Variants in LAMA2 observed in about 807,000 individuals in gnomAD.
The protein encoded by LAMA2 is laminin subunit alpha 2.
A neutral mutation model predicts 364.8 loss-of-function variants in LAMA2; 269 were observed. The observed-to-expected ratio is 0.74, with a 90% CI of 0.67 to 0.82. The LOEUF (loss-of-function observed/expected upper bound fraction) is 0.82, where lower values mean the gene tolerates loss of function less well. Among genes scored for constraint, LAMA2 ranks in the 40% least tolerant of loss-of-function variants. The pLI is 0.00. For missense variants in LAMA2, 3,807 were observed against 3,873.2 expected (o/e 0.98, Z 0.45); for synonymous variants, 1,379 against 1,370.6 (o/e 1.01, Z -0.14).
At chr6:128,945,101 G>A (rs1780411289) in intron 1 of LAMA2, among the ~76,000 whole-genome samples, 1 of 152,202 alleles carries the variant, frequency 6.6e-6, no homozygotes, top group Admixed American at 6.5e-5. Context: ...ATACAGAAGA[G>A]CAGGCGTAGA....
intron 14 of LAMA2, among the ~76,000 whole-genome samples, 180 bp downstream of exon 14, chr6:129,252,475 G>A (rs535360980): frequency 6.6e-6 from 1 of 152,192 alleles, no homozygotes; most frequent in East Asian, 1.9e-4. Flanking sequence ...TTTTAAATAT[G>A]CAGAATAAAT....
At chr6:128,953,449 A>C (rs76213190) in intron 1 of LAMA2, among the ~76,000 whole-genome samples, 12,533 of 152,098 alleles carry the variant, frequency 0.082, 978 homozygotes, top group African/African-American at 0.2. Context: ...ACCCTTTACT[A>C]TGTAATGTCT....
chr6:129,396,633 T>C (rs1433994059), intron 37 of LAMA2, among the ~76,000 whole-genome samples: 2 of 152,060 alleles, frequency 1.3e-5, no homozygotes, highest in African/African-American at 4.8e-5. Flanking sequence ...GGGGACGTCA[T>C]GGGAAGAAAA....
intron 4 of LAMA2, among the ~76,000 whole-genome samples, chr6:129,140,949 A>G (rs1049948838): frequency 2.6e-5 from 4 of 152,152 alleles, no homozygotes; most frequent in Admixed American, 1.3e-4. Flanking sequence ...CCTAAATGAG[A>G]ATATGTACAC....
chr6:129,015,812 A>G (rs933840395), intron 1 of LAMA2, among the ~76,000 whole-genome samples: 1 of 152,022 alleles, frequency 6.6e-6, no homozygotes, highest in Non-Finnish European at 1.5e-5. Context: ...ATTTAAAATC[A>G]CCATTTGTAT....
At chr6:129,228,346 C>T (rs1196209187) in intron 12 of LAMA2, among the ~76,000 whole-genome samples, 2 of 152,120 alleles carry the variant, frequency 1.3e-5, no homozygotes, top group Non-Finnish European at 2.9e-5. Flanking sequence ...CCTGCACCCA[C>T]TGTCAGACAA....
At chr6:129,256,370 A>G (rs1363789461) in intron 14 of LAMA2, among the ~76,000 whole-genome samples, 2 of 152,164 alleles carry the variant, frequency 1.3e-5, no homozygotes, top group Non-Finnish European at 2.9e-5. Context: ...TAGTACACAG[A>G]AAATAGTAGA....
chr6:129,129,949 T>C (rs1318597141), intron 4 of LAMA2, among the ~76,000 whole-genome samples: 1 of 145,200 alleles, frequency 6.9e-6, no homozygotes, highest in African/African-American at 2.6e-5. Flanking sequence ...AAAAATAACA[T>C]ATTTTAGAGA....
At chr6:129,088,685 C>T (rs888819388) in intron 3 of LAMA2, among the ~76,000 whole-genome samples, 10 of 151,270 alleles carry the variant, frequency 6.6e-5, no homozygotes, top group African/African-American at 2.2e-4. Flanking sequence ...GGGCGGCTGC[C>T]GGGCGGAGGG....
chr6:129,293,453 CA>C (rs1489933273), intron 20 of LAMA2, among the ~76,000 whole-genome samples: 8 of 152,178 alleles, frequency 5.3e-5, no homozygotes, highest in African/African-American at 1.9e-4. Flanking sequence ...TTGATTTGTC[CA>C]AGAAAACTCA....
chr6:129,148,596 C>A (rs1228167922), intron 6 of LAMA2, among the ~76,000 whole-genome samples: 1 of 152,068 alleles, frequency 6.6e-6, no homozygotes, highest in Non-Finnish European at 1.5e-5. Flanking sequence ...GGAATCAACT[C>A]CCTCCTTCTT....
chr6:128,918,861 T>C (rs1248149738), intron 1 of LAMA2, among the ~76,000 whole-genome samples: 3 of 152,146 alleles, frequency 2.0e-5, no homozygotes, highest in South Asian at 2.1e-4. Context: ...TTTCCTGATA[T>C]GGAATCTGGG....
At chr6:128,905,360 CT>C (rs1398279012) in intron 1 of LAMA2, 2 of 152,118 alleles carry the variant, frequency 1.3e-5, no homozygotes, top group Non-Finnish European at 2.9e-5. Context: ...CTCCATTTCA[CT>C]TTCCTAAATT....
rs770876675 is a variant in LAMA2, at chr6:129,151,812, G to A, written c.1028-2693G>A. On this transcript the variant is annotated intron_variant, in intron 7 of 64. Transcript: ENST00000421865. ...TCCAGTCTCCTCCCTCCCTCCATACGTGGAGATTACAATTTCAAATGAGAT... is the reference window on the plus strand; with the variant it reads ...TCCAGTCTCCTCCCTCCCTCCATACATGGAGATTACAATTTCAAATGAGAT... Among the ~76,000 whole-genome samples, 158 of 152,208 alleles carry A rather than the reference G, an allele frequency of 1.0e-3. 3 individuals carry two copies. Among genetic ancestry groups the A allele is most frequent in the Non-Finnish European group, 5.3e-4 (36 of 68,004 alleles).
intron 1 of LAMA2, chr6:128,929,562 A>G: frequency 1.9e-6 from 2 of 1,033,790 alleles, no homozygotes; most frequent in East Asian, 2.4e-5. Context: ...CTCCATAGTC[A>G]TGAGACTTGA....
chr6:129,213,220 A>G (rs74973566), intron 12 of LAMA2, among the ~76,000 whole-genome samples: 4 of 152,202 alleles, frequency 2.6e-5, no homozygotes, highest in Admixed American at 6.5e-5. Flanking sequence ...ATTTCTTTTT[A>G]GCTCTGAATA....
intron 9 of LAMA2, among the ~76,000 whole-genome samples, chr6:129,175,593 AG>A (rs1459333402): frequency 2.0e-5 from 3 of 152,248 alleles, no homozygotes; most frequent in Non-Finnish European, 4.4e-5. Context: ...CTAGCATTAC[AG>A]AAAACCAAAC....
chr6:129,460,875 GAGA>G (rs1467890704), intron 49 of LAMA2, among the ~76,000 whole-genome samples: 7 of 142,846 alleles, frequency 4.9e-5, no homozygotes, highest in Admixed American at 2.8e-4. Context: ...TGCTTCAAGA[GAGA>G]AGGAGAACAA....
chr6:129,501,104 G>A lies in LAMA2; in HGVS notation c.8245-1555G>A, dbSNP rs1003728008. Among the ~76,000 whole-genome samples the A allele has an allele frequency of 4.7e-4, 71 of 152,284 alleles. 1 individual carries two copies. The highest frequency in any genetic ancestry group is 1.4e-3 in the African/African-American group (58 of 41,548). ...ATTTCTGAGGAAGACTGCAAGCTGC[G>A]TGTGTTTATCGAGACGGTCCTCTGT... is the stretch of plus-strand genomic sequence containing the variant. On this transcript the variant is annotated intron_variant, in intron 58 of 64. Transcript: ENST00000421865.
Sources: allele counts gnomAD v4.1 joint callset (sites outside exome capture counted in the v4.1 genomes callset), GRCh38; gene constraint gnomAD v4.1.1; transcripts MANE v1.5; gene names NCBI Gene and HGNC (gene_info 2026-07-23, HGNC 2026-07-21).